The following PTPRD variants were observed in gnomAD, a reference collection of about 807,000 sequenced individuals.
PTPRD encodes the protein protein tyrosine phosphatase receptor type D.
In PTPRD, 34 loss-of-function variants were observed where a neutral mutation model predicts 214.5. That is an observed-to-expected ratio of 0.16 (90% CI 0.12 to 0.21). The LOEUF is 0.21. PTPRD is among the 10% of genes least tolerant of loss of function. The probability of loss-of-function intolerance (pLI) is 1.00; values close to 1 mark genes in which losing one functional copy is unlikely to be tolerated. For missense variants in PTPRD, 2,545 were observed against 2,398.7 expected, an observed-to-expected ratio of 1.06 and a Z score of -1.27; for synonymous variants, 1,128 against 845.7, an observed-to-expected ratio of 1.33 and a Z score of -5.79.
At chr9:8,886,736 A>C (rs764508323) in intron 11 of PTPRD, among the ~76,000 whole-genome samples, 3 of 152,198 alleles carry the variant, frequency 2.0e-5, no homozygotes, top group Non-Finnish European at 4.4e-5. Context: ...CATTTTGCCA[A>C]GTAAACAAAC....
chr9:9,367,898 C>G (rs2058325596), intron 9 of PTPRD, among the ~76,000 whole-genome samples: 1 of 151,680 alleles, frequency 6.6e-6, no homozygotes, highest in Non-Finnish European at 1.5e-5. Context: ...CTGTCTCTTC[C>G]AAACCCTGTC....
intron 3 of PTPRD, among the ~76,000 whole-genome samples, chr9:10,159,646 A>T (rs1330383432): frequency 6.6e-6 from 1 of 151,840 alleles, no homozygotes; most frequent in African/African-American, 2.4e-5. Context: ...TTATCAGATA[A>T]ATTATAAGAA....
intron 9 of PTPRD, among the ~76,000 whole-genome samples, chr9:9,341,856 T>C (rs1377188590): frequency 1.3e-5 from 2 of 152,176 alleles, no homozygotes; most frequent in Non-Finnish European, 2.9e-5. Flanking sequence ...TCACCCAGGC[T>C]GGAGTTCAGT....
At chr9:9,930,788 G>T (rs1012501654) in intron 5 of PTPRD, among the ~76,000 whole-genome samples, 4 of 151,822 alleles carry the variant, frequency 2.6e-5, no homozygotes, top group African/African-American at 9.7e-5. Context: ...AGCATAATAT[G>T]TATGTTTATC....
intron 8 of PTPRD, among the ~76,000 whole-genome samples, chr9:9,531,839 G>A (rs2154264619): frequency 6.6e-6 from 1 of 152,162 alleles, no homozygotes; most frequent in East Asian, 1.9e-4. Context: ...TAAATAAGAT[G>A]TGTTCTTTGT....
chr9:9,546,505 T>A (rs2078843914), intron 8 of PTPRD, among the ~76,000 whole-genome samples: 1 of 151,830 alleles, frequency 6.6e-6, no homozygotes, highest in Non-Finnish European at 1.5e-5. Context: ...GAATCTTTGT[T>A]CTTTTCTATG....
intron 5 of PTPRD, among the ~76,000 whole-genome samples, chr9:9,773,776 T>C (rs1308721096): frequency 6.6e-6 from 1 of 152,094 alleles, no homozygotes; most frequent in Non-Finnish European, 1.5e-5. Context: ...CATTCCAACA[T>C]CCAATTCTTT....
At chr9:8,817,724 C>T (rs1238982225) in intron 11 of PTPRD, among the ~76,000 whole-genome samples, 4 of 152,178 alleles carry the variant, frequency 2.6e-5, no homozygotes, top group African/African-American at 7.2e-5. Flanking sequence ...ACCTAATAAG[C>T]ATACTGATTA....
intron 10 of PTPRD, among the ~76,000 whole-genome samples, chr9:9,151,411 G>A (rs1028332643): frequency 2.6e-5 from 4 of 152,156 alleles, no homozygotes; most frequent in African/African-American, 9.7e-5. Flanking sequence ...ATTTCTAAGT[G>A]GGAGTGGACT....
At chr9:9,450,045 G>A (rs111268434) in intron 8 of PTPRD, among the ~76,000 whole-genome samples, 15 of 151,842 alleles carry the variant, frequency 9.9e-5, no homozygotes, top group East Asian at 9.7e-4. Context: ...CAACCAAAGC[G>A]CTGCAAAGGC....
intron 8 of PTPRD, among the ~76,000 whole-genome samples, chr9:9,476,748 T>A (rs1349565459): frequency 1.3e-5 from 2 of 152,174 alleles, no homozygotes; most frequent in African/African-American, 2.4e-5. Flanking sequence ...TATTTTTTAT[T>A]TTTTTGCGAT....
chr9:10,408,932 A>C (rs2098405400), intron 2 of PTPRD, among the ~76,000 whole-genome samples: 1 of 151,740 alleles, frequency 6.6e-6, no homozygotes, highest in South Asian at 2.1e-4. Context: ...AAGTGCTTTG[A>C]CTATAAACCT....
intron 11 of PTPRD, among the ~76,000 whole-genome samples, chr9:8,932,815 C>A (rs539402777): frequency 4.6e-5 from 7 of 152,056 alleles, no homozygotes; most frequent in Non-Finnish European, 7.4e-5. Context: ...GCTCCGTGGG[C>A]GTGGAATCTG....
At chr9:10,392,775 C>T (rs539598138) in intron 2 of PTPRD, among the ~76,000 whole-genome samples, 2 of 151,830 alleles carry the variant, frequency 1.3e-5, no homozygotes, top group East Asian at 2.0e-4. Context: ...GAGGACCATT[C>T]GGATGGAAGG....
intron 3 of PTPRD, among the ~76,000 whole-genome samples, chr9:10,172,294 C>T (rs931014496): frequency 6.6e-6 from 1 of 152,248 alleles, no homozygotes; most frequent in African/African-American, 2.4e-5. Context: ...TAAGCTACCT[C>T]TTATAAATGT....
intron 10 of PTPRD, among the ~76,000 whole-genome samples, chr9:9,154,280 G>A (rs1323889776): frequency 6.6e-6 from 1 of 152,190 alleles, no homozygotes; most frequent in Non-Finnish European, 1.5e-5. Flanking sequence ...GTCTTAGTCT[G>A]TTTAGGTTGC....
intron 3 of PTPRD, among the ~76,000 whole-genome samples, chr9:10,312,262 A>G (rs913793939): frequency 3.3e-5 from 5 of 152,014 alleles, no homozygotes; most frequent in African/African-American, 9.7e-5. Flanking sequence ...TTATTTCTGC[A>G]TATTGGGGCT....
At chr9:8,862,919 T>A (rs1251576481) in intron 11 of PTPRD, among the ~76,000 whole-genome samples, 3 of 130,476 alleles carry the variant, frequency 2.3e-5, no homozygotes, top group Middle Eastern at 7.1e-3. Context: ...GGGACGGTTG[T>A]GGGGTGGTGG....
intron 5 of PTPRD, among the ~76,000 whole-genome samples, chr9:9,826,866 G>C (rs982645953): frequency 6.6e-6 from 1 of 151,856 alleles, no homozygotes; most frequent in Non-Finnish European, 1.5e-5. Context: ...ACCAATAACA[G>C]ACAAACAGCC....
Sources: gnomAD v4.1 joint callset for allele counts (sites outside exome capture counted in the v4.1 genomes callset) on GRCh38, gnomAD v4.1.1 for gene constraint, MANE v1.5 for transcripts, NCBI Gene and HGNC (gene_info 2026-07-23, HGNC 2026-07-21) for gene names.